Variants in FBXW12 observed in about 807,000 individuals in gnomAD.
The protein encoded by FBXW12 is F-box and WD repeat domain containing 12.
FBXW12 carries 43 observed loss-of-function variants against 55.3 expected under a neutral mutation model. The observed-to-expected ratio is 0.78, with a 90% CI of 0.61 to 1.00. FBXW12 has a LOEUF of 1.00. FBXW12 is among the 50% of genes least tolerant of loss of function. FBXW12 has a pLI of 0.00. For missense variants in FBXW12, 524 were observed against 560.5 expected, an observed-to-expected ratio of 0.93 and a Z score of 0.66; for synonymous variants, 184 against 203.8, an observed-to-expected ratio of 0.90 and a Z score of 0.83.
chr3:48,378,551 G>A (rs1257569669), intron 6 of FBXW12, 25 bp downstream of exon 6: 1 of 1,600,462 alleles, frequency 6.2e-7, no homozygotes. Context: ...AATTTAGAGG[G>A]GACCAAAAAA....
Position 48,378,382 on chromosome 3 carries a change from G to C in FBXW12, c.471G>C (p.Gln157His). ...TCTCAAATCTGGTAACCCTCCCTCA[G>C]ATGCATCTCGCCATCACTATGGATC... ...FHFSNLVTLP[Q>H]MHLAITMDRK... Residue 157 changes from glutamine to histidine, a missense_variant, in exon 6 of 11, where the codon CAG (glutamine) becomes CAC (histidine). Coordinates refer to ENST00000296438, the MANE Select transcript of FBXW12 (RefSeq NM_207102.2). The C allele has an allele frequency of 2.5e-6, 4 of 1,614,066 alleles. No homozygotes were observed. Among genetic ancestry groups the C allele is most frequent in the Non-Finnish European group, 3.4e-6 (4 of 1,180,020 alleles).
At chr3:48,377,574 C>G (rs1446428846) in intron 5 of FBXW12, among the ~76,000 whole-genome samples, 5 of 152,206 alleles carry the variant, frequency 3.3e-5, no homozygotes, top group Non-Finnish European at 1.5e-5. Context: ...TCAAAAGAAA[C>G]AGAGTTAGCA....
At chr3:48,377,099 G>C (rs993843215) in intron 5 of FBXW12, among the ~76,000 whole-genome samples, 2 of 152,180 alleles carry the variant, frequency 1.3e-5, no homozygotes, top group Non-Finnish European at 2.9e-5. Context: ...TGAGACATTT[G>C]AGAGCATTGG....
rs941395092 is a variant in FBXW12, at chr3:48,394,507, G to A, written c.1296-53G>A. The A allele has an allele frequency of 6.0e-6, 6 of 1,005,510 alleles. No individual in the cohort carries two copies. The African/African-American group carries it at 9.7e-5, about 16-fold the overall frequency. 62.3% of individuals were successfully genotyped at this position (1,005,510 alleles called of 1,614,324 possible). On this transcript the variant is annotated intron_variant, in intron 10 of 10. Coordinates refer to ENST00000296438, the MANE Select transcript of FBXW12 (RefSeq NM_207102.2). Reference sequence around the variant, plus strand: ...AAGTTCTAAGTCAGTATTAACAATGGATGTACCTACTTTCTCTTTTGTTCA... The same window carrying A: ...AAGTTCTAAGTCAGTATTAACAATGAATGTACCTACTTTCTCTTTTGTTCA...
In FBXW12 at chr3:48,380,727, G is replaced by A. The variant is rs751519445; in HGVS notation, c.800G>A (p.Arg267Lys). The A allele has an allele frequency of 1.4e-5, 23 of 1,613,814 alleles. No homozygotes were observed. The highest frequency in any genetic ancestry group is 1.9e-5 in the Non-Finnish European group (23 of 1,179,862). ...PQVFLTESLLRPSEGSVPLST... is the reference protein window; with the variant it reads ...PQVFLTESLLKPSEGSVPLST... ...GTATTCCTCACAGAGTCCTTACTGA[G>A]ACCATCAGAAGGCAGTGTTCCTCTG... The change falls in exon 8 of 11, where the codon AGA (arginine) becomes AAA (lysine). Residue 267 changes from arginine to lysine, a missense_variant. Arg to Lys is a conservative substitution (Grantham distance 26). Coordinates refer to ENST00000296438, the MANE Select transcript of FBXW12 (RefSeq NM_207102.2).
At chr3:48,372,375 T>C (rs1400568231) in intron 1 of FBXW12, 55 bp downstream of exon 1, 1 of 1,531,010 alleles carries the variant, frequency 6.5e-7, no homozygotes, top group Non-Finnish European at 8.9e-7. Context: ...GGAACTTAAA[T>C]AGAGTCATAG....
rs2036669866 is a variant in FBXW12 at position 48,375,473 on chromosome 3, G to A, written c.405+1G>A. 2 of 1,573,652 alleles carry A rather than the reference G, an allele frequency of 1.3e-6. No homozygotes were observed. The highest frequency in any genetic ancestry group is 1.7e-6 in the Non-Finnish European group (2 of 1,150,426). On this transcript the variant is annotated splice_donor_variant, in intron 5 of 10. Transcript: ENST00000296438. LOFTEE classifies it high-confidence loss of function. ...GCTTTGTGCCTGGGATGTGCAAGAG[G>A]TGAGTCTGGCCAATATGTGGCAAAA...
intron 2 of FBXW12, 30 bp downstream of exon 2, chr3:48,372,887 C>T (rs772504839): frequency 1.3e-6 from 2 of 1,596,010 alleles, no homozygotes; most frequent in Non-Finnish European, 1.7e-6. Flanking sequence ...CACTGCCCCC[C>T]AAGCCCGCTG....
In FBXW12 at chr3:48,378,448, C is replaced by A; in HGVS notation, c.537C>A (p.Asp179Glu). 6.2e-7 allele frequency: 1 copy of A among 1,614,004 alleles called. No individual in the cohort carries two copies. The change falls in exon 6 of 11, where the codon GAC becomes GAA. Residue 179 changes from aspartate (D) to glutamate (E), a missense_variant. Coordinates refer to ENST00000296438, the MANE Select transcript of FBXW12 (RefSeq NM_207102.2). The part of the protein sequence containing the change: ...TIKVWNCQDR[D>E]ALAVLPMPQP... ...AAGTGTGGAACTGTCAGGACAGGGA[C>A]GCTCTGGCTGTTCTCCCCATGCCAC... is the stretch of plus-strand genomic sequence containing the variant.
Position 48,385,836 on chromosome 3 carries a change from T to C in FBXW12, c.1295+3751T>C, listed in dbSNP as rs923179021. ...GCCATTTTATGTTTTCTGTGGAAAA[T>C]TGGCAATGAAGAACCTTTGCCCATT... On this transcript the variant is annotated intron_variant, in intron 10 of 10. Transcript: ENST00000296438. Among the ~76,000 whole-genome samples the C allele has an allele frequency of 3.3e-5, 5 of 152,196 alleles. No individual in the cohort carries two copies. The East Asian group carries it at 5.8e-4, about 18-fold the overall frequency.
rs540778282 is a variant in FBXW12 at position 48,373,610 on chromosome 3, CAT to C, written c.192_193del (p.Trp65GlufsTer21). 350 of 1,614,152 alleles carry C rather than the reference CAT, an allele frequency of 2.2e-4. No homozygotes were observed. The African/African-American group carries it at 2.7e-3, about 12-fold the overall frequency. On this transcript the variant is annotated frameshift_variant, in exon 4 of 11. Transcript: ENST00000296438. LOFTEE classifies it high-confidence loss of function. ...ACCAATCAACACCTGGGCACACACA[CAT>C]GGAAGCAATTTTTCCTGCATCAAAG...
Position 48,392,755 on chromosome 3 carries a change from C to T in FBXW12, c.1296-1805C>T, listed in dbSNP as rs890408566. 5.3e-5 allele frequency among the ~76,000 whole-genome samples: 8 copies of T among 152,254 alleles called. No individual in the cohort carries two copies. In the South Asian group the frequency reaches 8.3e-4, roughly 16 times the overall value. On this transcript the variant is annotated intron_variant, in intron 10 of 10. Transcript: ENST00000296438. ...CCATGATGTCTGAGAAATCCATTGT[C>T]GTTCAAATCTCTATATCTCTCTAGA...
chr3:48,380,368 A>G (rs573611890), intron 7 of FBXW12, among the ~76,000 whole-genome samples: 1 of 152,176 alleles, frequency 6.6e-6, no homozygotes, highest in African/African-American at 2.4e-5. Context: ...GAAGGCAGGT[A>G]GTAAAAGCCA....
rs2036982557 is a variant in FBXW12, at chr3:48,394,704, A to G, written c.*45A>G. 1 of 1,036,150 alleles carries G rather than the reference A, an allele frequency of 9.7e-7. No individual in the cohort carries two copies. Among genetic ancestry groups the G allele is most frequent in the Admixed American group, 2.1e-5 (1 of 46,648 alleles). 64.2% of individuals were successfully genotyped at this position (1,036,150 alleles called of 1,614,324 possible). A position where few individuals can be genotyped will look rare whatever the true frequency, so the allele number is the denominator to read the frequency against. On this transcript the variant is annotated 3_prime_UTR_variant, in exon 11 of 11. Transcript: ENST00000296438. The stretch of plus-strand genomic sequence containing the variant: ...GACCTTGCATCATCTTCTGCAATGT[A>G]GTAAAGAAATTCTATTTGCAAGCCC...
rs999140523 is a variant in FBXW12 at position 48,378,332 on chromosome 3, T to C, written c.421T>C (p.Ser141Pro). ...CGTTTTCTAGGGTACCATGATCTGG[T>C]CAAGCCCAGTCCAGGAGTTCCATTT... ...WDVQEGTMIW[S>P]SPVQEFHFSN... Residue 141 changes from serine (S) to proline (P), a missense_variant, in exon 6 of 11, where the codon TCA (serine) becomes CCA (proline). Ser to Pro is a moderately conservative substitution (Grantham distance 74). Coordinates refer to ENST00000296438, the MANE Select transcript of FBXW12 (RefSeq NM_207102.2). 13 of 1,613,934 alleles carry C rather than the reference T, an allele frequency of 8.1e-6. No homozygotes were observed. Among genetic ancestry groups the C allele is most frequent in the Admixed American group, 1.7e-5 (1 of 59,996 alleles).
intron 4 of FBXW12, 65 bp from the exon 5 acceptor site, chr3:48,375,289 A>G (rs80007105): frequency 0.011 from 10,288 of 973,312 alleles, 72 homozygotes; most frequent in East Asian, 0.02. Flanking sequence ...ATTTTAAATT[A>G]TCTTCTTTTG....
At position 48,381,765 on chromosome 3, in the gene FBXW12, G is replaced by A; in HGVS notation, c.1051G>A (p.Asp351Asn). The A allele has an allele frequency of 6.2e-7, 1 of 1,611,298 alleles. No individual in the cohort carries two copies. Among genetic ancestry groups the A allele is most frequent in the Non-Finnish European group, 8.5e-7 (1 of 1,178,064 alleles). Residue 351 changes from aspartate (D) to asparagine (N), a missense_variant, in exon 9 of 11, where the codon GAT (aspartate) becomes AAT (asparagine). Asp to Asn is a conservative substitution (Grantham distance 23). Coordinates refer to ENST00000296438, the MANE Select transcript of FBXW12 (RefSeq NM_207102.2). ...LKCPIWMGASDGYMIVFTSGP... is the reference protein window; with the variant it reads ...LKCPIWMGASNGYMIVFTSGP... ...GTGCCCTATCTGGATGGGAGCCAGT[G>A]ATGGATATATGATTGTCTTTACCAG...
chr3:48,372,373 A>ATT, intron 1 of FBXW12, 53 bp downstream of exon 1: 1 of 1,540,570 alleles, frequency 6.5e-7, no homozygotes, highest in African/African-American at 1.4e-5. Context: ...TTGGAACTTA[A>ATT]ATAGAGTCAT....
intron 5 of FBXW12, among the ~76,000 whole-genome samples, chr3:48,377,099 G>A (rs993843215): frequency 6.6e-6 from 1 of 152,180 alleles, no homozygotes; most frequent in Non-Finnish European, 1.5e-5. Context: ...TGAGACATTT[G>A]AGAGCATTGG....
Sources: gnomAD v4.1 joint callset for allele counts (sites outside exome capture counted in the v4.1 genomes callset) on GRCh38, gnomAD v4.1.1 for gene constraint, MANE v1.5 for transcripts, NCBI Gene and HGNC (gene_info 2026-07-23, HGNC 2026-07-21) for gene names.